Variants in RFTN2 observed in about 807,000 individuals in gnomAD.
RFTN2 encodes the protein raftlin-2.
A neutral mutation model predicts 52.7 loss-of-function variants in RFTN2; 34 were observed. That is an observed-to-expected ratio of 0.64 (90% confidence interval 0.49 to 0.86). The LOEUF (loss-of-function observed/expected upper bound fraction) is 0.86, where lower values mean the gene tolerates loss of function less well. Among genes scored for constraint, RFTN2 ranks in the 40% least tolerant of loss-of-function variants. RFTN2 has a pLI of 0.00. For synonymous variants in RFTN2, 203 were observed against 217.7 expected (o/e 0.93, Z 0.59); for missense variants, 536 against 600.1 (o/e 0.89, Z 1.12).
At chr2:197,640,768 G>C (rs1037941584) in intron 3 of RFTN2, among the ~76,000 whole-genome samples, 6 of 152,162 alleles carry the variant, frequency 3.9e-5, no homozygotes, top group Non-Finnish European at 5.9e-5. Flanking sequence ...CCCCAGGAAT[G>C]CTTATTTTTA....
At chr2:197,631,263 G>A in intron 4 of RFTN2, 43 bp from the exon 5 acceptor site, 1 of 1,403,596 alleles carries the variant, frequency 7.1e-7, no homozygotes, top group Non-Finnish European at 1.0e-6. Flanking sequence ...TTATAATTTT[G>A]TTGATCAAAG....
At chr2:197,646,911 A>AT (rs538155591) in intron 1 of RFTN2, among the ~76,000 whole-genome samples, 1 of 148,810 alleles carries the variant, frequency 6.7e-6, no homozygotes, top group Non-Finnish European at 1.5e-5. Flanking sequence ...AAAAAAAAAA[A>AT]AAAAAAAAAC....
intron 8 of RFTN2, among the ~76,000 whole-genome samples, chr2:197,585,004 C>T (rs1158767126): frequency 1.3e-5 from 2 of 152,118 alleles, no homozygotes; most frequent in Non-Finnish European, 2.9e-5. Flanking sequence ...TCTATAGTAC[C>T]CCAACTGCCG....
At chr2:197,603,586 A>C (rs2087913120) in intron 7 of RFTN2, among the ~76,000 whole-genome samples, 1 of 152,144 alleles carries the variant, frequency 6.6e-6, no homozygotes, top group South Asian at 2.1e-4. Context: ...CAAAGGGCTG[A>C]GATTACAGGT....
Position 197,675,409 on chromosome 2 carries a change from C to T in RFTN2, c.50G>A (p.Gly17Glu). Residue 17 changes from glycine to glutamate, a missense_variant, in exon 1 of 9, where the codon GGA becomes GAA. Coordinates refer to ENST00000295049, the MANE Select transcript of RFTN2 (RefSeq NM_144629.3). ...TCTCTTCAGGGTAGAAAATATTTTT[C>T]CAGGGCTGCTATCATCAGGGTCTTC... ...KLEDPDDSSP[G>E]KIFSTLKRPQ... 6.2e-7 allele frequency: 1 copy of T among 1,604,640 alleles called. No individual in the cohort carries two copies. Among genetic ancestry groups the T allele is most frequent in the Non-Finnish European group, 8.5e-7 (1 of 1,175,604 alleles).
At chr2:197,640,036 C>T (rs1398907452) in intron 3 of RFTN2, among the ~76,000 whole-genome samples, 2 of 152,202 alleles carry the variant, frequency 1.3e-5, no homozygotes, top group African/African-American at 2.4e-5. Context: ...GGGGTGCCTC[C>T]CAGTTAGGCT....
intron 8 of RFTN2, among the ~76,000 whole-genome samples, chr2:197,586,821 G>A (rs1450752932): frequency 6.6e-6 from 1 of 152,110 alleles, no homozygotes; most frequent in Non-Finnish European, 1.5e-5. Flanking sequence ...AACCGCCGAG[G>A]CCTTGACTTA....
At chr2:197,617,277 C>T (rs931933674) in intron 6 of RFTN2, among the ~76,000 whole-genome samples, 7 of 152,134 alleles carry the variant, frequency 4.6e-5, no homozygotes, top group African/African-American at 1.7e-4. Flanking sequence ...TTTTTGGGAA[C>T]TTACTGCTGC....
chr2:197,640,194 C>G (rs1216748886), intron 3 of RFTN2, among the ~76,000 whole-genome samples: 2 of 148,968 alleles, frequency 1.3e-5, no homozygotes, highest in Non-Finnish European at 3.0e-5. Context: ...GTCTTTTTGT[C>G]TGTGCCCTGC....
intron 1 of RFTN2, among the ~76,000 whole-genome samples, chr2:197,664,920 G>T (rs1158992281): frequency 6.6e-6 from 1 of 152,174 alleles, no homozygotes; most frequent in African/African-American, 2.4e-5. Context: ...GGTTCATGTG[G>T]TCTAACGTCC....
At chr2:197,644,118 G>A (rs1179796098) in intron 3 of RFTN2, 40 bp downstream of exon 3, 6 of 1,105,126 alleles carry the variant, frequency 5.4e-6, no homozygotes, top group Non-Finnish European at 8.4e-6. Flanking sequence ...AATACCAAAT[G>A]TTTGTCAATA....
rs1029262152 is a variant in RFTN2 at position 197,627,920 on chromosome 2, C to T, written c.928+3091G>A. Among the ~76,000 whole-genome samples, 6 of 121,654 alleles carry T rather than the reference C, an allele frequency of 4.9e-5. No homozygotes were observed. The Admixed American group carries it at 5.6e-4, about 11-fold the overall frequency. The allele number at this position is 121,654 out of a possible 152,430, so 79.8% of individuals were successfully genotyped here. ...TTCTGGAAGGAGGTATTTTATTCAGCGTGATTTGTGGGGTAATATATTTAA... is the reference window on the plus strand; with the variant it reads ...TTCTGGAAGGAGGTATTTTATTCAGTGTGATTTGTGGGGTAATATATTTAA... On this transcript the variant is annotated intron_variant, in intron 5 of 8. Transcript: ENST00000295049.
intron 5 of RFTN2, among the ~76,000 whole-genome samples, chr2:197,623,280 C>T (rs190534617): frequency 6.6e-6 from 1 of 152,304 alleles, no homozygotes; most frequent in Admixed American, 6.5e-5. Flanking sequence ...AAGAGGTTGA[C>T]TCCAATTTTC....
chr2:197,594,075 G>T (rs966520642), intron 8 of RFTN2, among the ~76,000 whole-genome samples: 1 of 144,196 alleles, frequency 6.9e-6, no homozygotes, highest in Admixed American at 7.0e-5. Flanking sequence ...CAGTGCAGTG[G>T]TGCGATCTTG....
At chr2:197,637,526 A>G (rs1463587701) in intron 3 of RFTN2, among the ~76,000 whole-genome samples, 5 of 149,154 alleles carry the variant, frequency 3.4e-5, no homozygotes, top group South Asian at 4.3e-4. Context: ...GTTTATTTGC[A>G]TAGAGGTGTT....
chr2:197,627,835 A>T (rs2088391087), intron 5 of RFTN2, among the ~76,000 whole-genome samples: 1 of 151,754 alleles, frequency 6.6e-6, no homozygotes, highest in Non-Finnish European at 1.5e-5. Context: ...CAACTTTTAC[A>T]CTCTGCTGAA....
In RFTN2 at chr2:197,586,271, T is replaced by A. The variant is rs572102027; in HGVS notation, c.1233+9720A>T. ...GTGAAAAGTTGTTTGTAGATACTCA[T>A]CGTTTTCTCACACACCATGAAAATC... is the stretch of plus-strand genomic sequence containing the variant. On this transcript the variant is annotated intron_variant, in intron 8 of 8. Transcript: ENST00000295049. Among the ~76,000 whole-genome samples, 214 of 152,254 alleles carry A rather than the reference T, an allele frequency of 1.4e-3. 3 individuals carry two copies. The highest frequency in any genetic ancestry group is 8.3e-3 in the South Asian group (40 of 4,822).
intron 3 of RFTN2, among the ~76,000 whole-genome samples, chr2:197,640,876 C>G (rs902326585): frequency 6.6e-6 from 1 of 152,202 alleles, no homozygotes; most frequent in Admixed American, 6.5e-5. Flanking sequence ...GCTTTTACTT[C>G]GTTTCTTTGT....
intron 1 of RFTN2, among the ~76,000 whole-genome samples, chr2:197,655,564 G>T (rs536849922): frequency 6.6e-6 from 1 of 152,106 alleles, no homozygotes; most frequent in Non-Finnish European, 1.5e-5. Context: ...GGTGGCTCAC[G>T]CCTGTAATCC....
Sources: allele counts gnomAD v4.1 joint callset (sites outside exome capture counted in the v4.1 genomes callset), GRCh38; gene constraint gnomAD v4.1.1; transcripts MANE v1.5; gene names NCBI Gene and HGNC (gene_info 2026-07-23, HGNC 2026-07-21).